SPATA17: variants seen among roughly 807,000 people sequenced by gnomAD.
The protein encoded by SPATA17 is spermatogenesis-associated protein 17.
Under a neutral mutation model 62.2 loss-of-function variants are expected in SPATA17, and 53 were observed. That is an observed-to-expected ratio of 0.85 (90% CI 0.68 to 1.07). The LOEUF is 1.07. Among genes scored for constraint, SPATA17 ranks in the 50% least tolerant of loss-of-function variants. The probability of loss-of-function intolerance (pLI) is 0.00; values close to 1 mark genes in which losing one functional copy is unlikely to be tolerated. For synonymous variants in SPATA17, 146 were observed against 146.8 expected, an observed-to-expected ratio of 0.99 and a Z score of 0.04; for missense variants, 466 against 425.5, an observed-to-expected ratio of 1.10 and a Z score of -0.84.
chr1:217,703,206 TG>T (rs1398046662), intron 5 of SPATA17, among the ~76,000 whole-genome samples: 8 of 130,192 alleles, frequency 6.1e-5, no homozygotes, highest in Admixed American at 1.5e-4. Flanking sequence ...AGTCTCACTC[TG>T]TCGCCCAGGC....
chr1:217,665,737 CTG>C (rs1351550111), intron 3 of SPATA17, among the ~76,000 whole-genome samples: 1 of 152,136 alleles, frequency 6.6e-6, no homozygotes, highest in African/African-American at 2.4e-5. Context: ...AGTATAACCT[CTG>C]TGGTCTAATT....
chr1:217,677,623 C>T (rs933437581), intron 4 of SPATA17, among the ~76,000 whole-genome samples: 3 of 152,120 alleles, frequency 2.0e-5, no homozygotes, highest in African/African-American at 7.2e-5. Flanking sequence ...AAGGGGCCAT[C>T]TGGACAACAC....
chr1:217,659,213 C>T (rs1429991460), intron 3 of SPATA17, among the ~76,000 whole-genome samples: 1 of 151,914 alleles, frequency 6.6e-6, no homozygotes, highest in Non-Finnish European at 1.5e-5. Context: ...CACACACACA[C>T]ACACACACAC....
intron 5 of SPATA17, among the ~76,000 whole-genome samples, chr1:217,708,815 A>G (rs1571747971): frequency 6.6e-6 from 1 of 152,188 alleles, no homozygotes; most frequent in Non-Finnish European, 1.5e-5. Context: ...CCAGCAGCAC[A>G]TTAAAAAGGA....
chr1:217,847,781 G>T (rs574928324), intron 9 of SPATA17, among the ~76,000 whole-genome samples: 2 of 152,106 alleles, frequency 1.3e-5, no homozygotes, highest in Non-Finnish European at 2.9e-5. Context: ...CCAGGTGCCT[G>T]TAATTCCAGC....
At position 217,657,505 on chromosome 1, in the gene SPATA17, G is replaced by A. The variant is rs375887113; in HGVS notation, c.240+6327G>A. 6.6e-5 allele frequency among the ~76,000 whole-genome samples: 10 copies of A among 152,190 alleles called. No homozygotes were observed. In the South Asian group the frequency reaches 1.7e-3, roughly 25 times the overall value. The stretch of plus-strand genomic sequence containing the variant: ...TGCTGTTTTCCTGGGTTGGGCAGTG[G>A]GACATGAGTTGAGGATACTGTTTGA... On this transcript the variant is annotated intron_variant, in intron 3 of 10. Transcript: ENST00000366933.
intron 2 of SPATA17, among the ~76,000 whole-genome samples, chr1:217,650,769 G>T (rs888357094): frequency 3.3e-5 from 5 of 152,154 alleles, no homozygotes; most frequent in Admixed American, 3.3e-4. Flanking sequence ...CATCAATAGT[G>T]CCTGGATTAT....
At chr1:217,825,751 C>G (rs932422832) in intron 9 of SPATA17, among the ~76,000 whole-genome samples, 1 of 152,030 alleles carries the variant, frequency 6.6e-6, no homozygotes. Flanking sequence ...TACATTCTTT[C>G]TAACATTTAT....
At chr1:217,740,888 T>A (rs1672612567) in intron 5 of SPATA17, among the ~76,000 whole-genome samples, 1 of 152,228 alleles carries the variant, frequency 6.6e-6, no homozygotes, top group Admixed American at 6.5e-5. Context: ...TTGAAAAAAA[T>A]TGCTCAGCTG....
intron 8 of SPATA17, among the ~76,000 whole-genome samples, chr1:217,783,186 A>G (rs1673773607): frequency 6.6e-6 from 1 of 151,072 alleles, no homozygotes; most frequent in African/African-American, 2.4e-5. Context: ...TTATATGATA[A>G]TTATAAAATA....
chr1:217,856,756 C>T (rs906515263), intron 9 of SPATA17, among the ~76,000 whole-genome samples: 1 of 152,204 alleles, frequency 6.6e-6, no homozygotes, highest in East Asian at 1.9e-4. Context: ...AGTCCTACAA[C>T]TGTAACAGTT....
At chr1:217,857,902 A>G (rs1447649325) in intron 9 of SPATA17, among the ~76,000 whole-genome samples, 2 of 152,186 alleles carry the variant, frequency 1.3e-5, no homozygotes, top group African/African-American at 4.8e-5. Context: ...CTGACACCAG[A>G]TAAGACCAAG....
intron 9 of SPATA17, among the ~76,000 whole-genome samples, chr1:217,858,716 C>A (rs1385651559): frequency 6.6e-6 from 1 of 151,912 alleles, no homozygotes; most frequent in Non-Finnish European, 1.5e-5. Flanking sequence ...AGCAAGACAA[C>A]TTCTCTTAAA....
intron 6 of SPATA17, among the ~76,000 whole-genome samples, chr1:217,760,605 T>C (rs1461205927): frequency 6.6e-6 from 1 of 152,224 alleles, no homozygotes; most frequent in Non-Finnish European, 1.5e-5. Context: ...TAAAATGGCT[T>C]CTTCCTTCTT....
At chr1:217,856,337 T>C (rs1675785361) in intron 9 of SPATA17, among the ~76,000 whole-genome samples, 1 of 152,206 alleles carries the variant, frequency 6.6e-6, no homozygotes, top group Non-Finnish European at 1.5e-5. Context: ...CAGGTTATTT[T>C]ATCTGTTTTC....
At chr1:217,852,187 TA>T (rs1053294052) in intron 9 of SPATA17, among the ~76,000 whole-genome samples, 2 of 152,310 alleles carry the variant, frequency 1.3e-5, no homozygotes, top group East Asian at 1.9e-4. Flanking sequence ...TTGCCATCTT[TA>T]AAAAAATTGC....
At chr1:217,717,644 GTAATTTTTTTTTT>G (rs1383346149) in intron 5 of SPATA17, among the ~76,000 whole-genome samples, 1 of 151,894 alleles carries the variant, frequency 6.6e-6, no homozygotes, top group South Asian at 2.1e-4. Context: ...TAAATCCTAT[GTAATTTTTTTTTT>G]TACAAATCCC....
At chr1:217,786,578 T>C (rs946117910) in intron 8 of SPATA17, among the ~76,000 whole-genome samples, 1 of 152,072 alleles carries the variant, frequency 6.6e-6, no homozygotes, top group Admixed American at 6.6e-5. Context: ...AATGGAAAAT[T>C]ATTTATTGTT....
At chr1:217,645,074 A>C (rs531189538) in intron 1 of SPATA17, among the ~76,000 whole-genome samples, 15 of 152,236 alleles carry the variant, frequency 9.9e-5, no homozygotes, top group Admixed American at 6.5e-4. Flanking sequence ...AGTTAAAAAA[A>C]GGGCAACAGA....
Sources: allele counts gnomAD v4.1 joint callset (sites outside exome capture counted in the v4.1 genomes callset), GRCh38; gene constraint gnomAD v4.1.1; transcripts MANE v1.5; gene names NCBI Gene and HGNC (gene_info 2026-07-23, HGNC 2026-07-21).